Variants in SLC44A5 observed in about 807,000 individuals in gnomAD.
SLC44A5 encodes the protein solute carrier family 44 member 5.
In SLC44A5, 57 loss-of-function variants were observed where a neutral mutation model predicts 101.8. That is an observed-to-expected ratio of 0.56 (90% CI 0.45 to 0.70). The LOEUF (loss-of-function observed/expected upper bound fraction) is 0.70, where lower values mean the gene tolerates loss of function less well. Ranked by LOEUF, SLC44A5 falls within the 30% of genes least tolerant of loss-of-function variation. The pLI, the probability that SLC44A5 is intolerant of heterozygous loss-of-function variation, is 0.00. For synonymous variants in SLC44A5, 281 were observed against 290.9 expected (o/e 0.97, Z 0.35); for missense variants, 737 against 853.1 (o/e 0.86, Z 1.70).
intron 3 of SLC44A5, among the ~76,000 whole-genome samples, chr1:75,376,125 C>T (rs1048351928): frequency 3.9e-5 from 6 of 152,352 alleles, no homozygotes; most frequent in South Asian, 2.1e-4. Flanking sequence ...TGCGCTTTTC[C>T]GACCGGCTTA....
intron 6 of SLC44A5, among the ~76,000 whole-genome samples, chr1:75,260,362 A>C (rs1189658812): frequency 6.6e-6 from 1 of 152,134 alleles, no homozygotes; most frequent in Non-Finnish European, 1.5e-5. Flanking sequence ...GCAAAAAAGC[A>C]GGGGTTGCAA....
At chr1:75,226,017 G>A (rs1357824373) in intron 13 of SLC44A5, among the ~76,000 whole-genome samples, 2 of 152,178 alleles carry the variant, frequency 1.3e-5, no homozygotes, top group Non-Finnish European at 2.9e-5. Flanking sequence ...ATAGACAACA[G>A]TAAGCAGGTT....
In SLC44A5 at chr1:75,300,746, C is replaced by A. The variant is rs1055268277; in HGVS notation, c.102-61G>T. 7 of 1,099,148 alleles carry A rather than the reference C, an allele frequency of 6.4e-6. No individual in the cohort carries two copies. The Admixed American group carries it at 1.0e-4, about 16-fold the overall frequency. 68.1% of individuals were successfully genotyped at this position (1,099,148 alleles called of 1,614,324 possible). ...GTCCCAAATGACTTCCTGTTTCCTGCACAAAATGAAGGAAGAGAGAAAAAG... is the reference window on the plus strand; with the variant it reads ...GTCCCAAATGACTTCCTGTTTCCTGAACAAAATGAAGGAAGAGAGAAAAAG... On this transcript the variant is annotated intron_variant, in intron 4 of 23. Transcript: ENST00000370859.
At chr1:75,241,903 T>C (rs1648662495) in intron 9 of SLC44A5, 98 bp downstream of exon 9, 1 of 1,049,656 alleles carries the variant, frequency 9.5e-7, no homozygotes, top group South Asian at 1.4e-5. Flanking sequence ...CAGAGGACCA[T>C]TCTTGGCCTC....
intron 2 of SLC44A5, among the ~76,000 whole-genome samples, chr1:75,472,636 A>T (rs1667173363): frequency 6.6e-6 from 1 of 152,182 alleles, no homozygotes; most frequent in Non-Finnish European, 1.5e-5. Flanking sequence ...AGGCTTATAA[A>T]ATACAAGTTT....
At chr1:75,363,892 G>A (rs1659676359) in intron 3 of SLC44A5, among the ~76,000 whole-genome samples, 1 of 152,060 alleles carries the variant, frequency 6.6e-6, no homozygotes, top group Non-Finnish European at 1.5e-5. Context: ...TGTTTGCCTG[G>A]GAAAGGTTTT....
At chr1:75,258,168 G>A (rs750866217) in intron 6 of SLC44A5, among the ~76,000 whole-genome samples, 57 of 151,880 alleles carry the variant, frequency 3.8e-4, no homozygotes, top group African/African-American at 1.3e-3. Flanking sequence ...CCCCAGTGGC[G>A]CCTGGAATGC....
At chr1:75,587,480 T>C (rs938358754) in intron 1 of SLC44A5, among the ~76,000 whole-genome samples, 3 of 152,210 alleles carry the variant, frequency 2.0e-5, no homozygotes, top group African/African-American at 7.2e-5. Context: ...ATTCATCATT[T>C]AATGTGAACC....
chr1:75,485,297 T>C (rs939742112), intron 2 of SLC44A5, among the ~76,000 whole-genome samples: 1 of 152,264 alleles, frequency 6.6e-6, no homozygotes, highest in Non-Finnish European at 1.5e-5. Flanking sequence ...AAAGCTGGAA[T>C]GCTTTGCTGC....
intron 2 of SLC44A5, among the ~76,000 whole-genome samples, chr1:75,406,945 T>C (rs927426177): frequency 7.2e-5 from 11 of 152,276 alleles, no homozygotes; most frequent in African/African-American, 2.6e-4. Flanking sequence ...GACATGATTG[T>C]ATATTTAGAA....
At chr1:75,615,157 G>A (rs1675814919), upstream of SLC44A5, among the ~76,000 whole-genome samples, 1 of 151,984 alleles carries the variant, frequency 6.6e-6, no homozygotes. Flanking sequence ...GGTTCCAAAG[G>A]AGCAACAGGG....
chr1:75,302,691 T>C (rs1022772817), intron 4 of SLC44A5, among the ~76,000 whole-genome samples: 21 of 152,326 alleles, frequency 1.4e-4, no homozygotes, highest in African/African-American at 5.1e-4. Context: ...TATAACAATA[T>C]GCCGCATCAC....
the SLC44A5 span, among the ~76,000 whole-genome samples, chr1:75,714,817 G>A: frequency 1.3e-5 from 2 of 152,120 alleles, no homozygotes; most frequent in Non-Finnish European, 2.9e-5. Flanking sequence ...GGGATTACAG[G>A]CATGTGCCAC....
At chr1:75,634,507 C>T in the SLC44A5 span, among the ~76,000 whole-genome samples, 6 of 150,792 alleles carry the variant, frequency 4.0e-5, no homozygotes, top group Non-Finnish European at 5.9e-5. Context: ...GAAATAACGC[C>T]GCATATCTAC....
chr1:75,487,717 G>A (rs1668226076), intron 2 of SLC44A5, among the ~76,000 whole-genome samples: 1 of 152,158 alleles, frequency 6.6e-6, no homozygotes, highest in Non-Finnish European at 1.5e-5. Flanking sequence ...CCATCATTGT[G>A]TGAATGTCAT....
At chr1:75,305,973 A>T (rs897496797) in intron 4 of SLC44A5, among the ~76,000 whole-genome samples, 6 of 152,222 alleles carry the variant, frequency 3.9e-5, no homozygotes, top group African/African-American at 1.2e-4. Context: ...TATGGGCCAA[A>T]TCTGGTTTGC....
At chr1:75,706,555 C>T in the SLC44A5 span, among the ~76,000 whole-genome samples, 1 of 152,028 alleles carries the variant, frequency 6.6e-6, no homozygotes, top group South Asian at 2.1e-4. Flanking sequence ...GTAAATTTGT[C>T]ATTTTTTCAA....
At chr1:75,575,483 C>T (rs1011615090) in intron 1 of SLC44A5, among the ~76,000 whole-genome samples, 3 of 152,124 alleles carry the variant, frequency 2.0e-5, no homozygotes, top group Admixed American at 6.6e-5. Context: ...GTCAGCCATT[C>T]ACTTACAAAT....
intron 1 of SLC44A5, among the ~76,000 whole-genome samples, chr1:75,583,154 G>C (rs189261541): frequency 1.1e-3 from 175 of 152,254 alleles, no homozygotes; most frequent in Non-Finnish European, 1.7e-3. Flanking sequence ...AAGACATAGG[G>C]GAGGACTCTG....
Sources: gnomAD v4.1 joint callset for allele counts (sites outside exome capture counted in the v4.1 genomes callset) on GRCh38, gnomAD v4.1.1 for gene constraint, MANE v1.5 for transcripts, NCBI Gene and HGNC (gene_info 2026-07-23, HGNC 2026-07-21) for gene names.